The following GALNT13 variants were observed in gnomAD, a reference collection of about 807,000 sequenced individuals.
The protein encoded by GALNT13 is polypeptide N-acetylgalactosaminyltransferase 13.
A neutral mutation model predicts 64.2 loss-of-function variants in GALNT13; 28 were observed. The ratio of observed to expected loss-of-function variants is 0.44; its 90% CI spans 0.32 to 0.60. GALNT13 has a LOEUF of 0.60. GALNT13 is among the 20% of genes least tolerant of loss of function. The pLI is 0.05. For synonymous variants in GALNT13, 214 were observed against 224.6 expected (o/e 0.95, Z 0.42); for missense variants, 577 against 669.8 (o/e 0.86, Z 1.53).
At chr2:153,793,273 T>C in the GALNT13 span, among the ~76,000 whole-genome samples, 13 of 152,186 alleles carry the variant, frequency 8.5e-5, no homozygotes, top group East Asian at 2.5e-3. Flanking sequence ...CACCCGGCCC[T>C]GAGGTAACAT....
chr2:153,979,842 G>A (rs915911514), intron 3 of GALNT13, among the ~76,000 whole-genome samples: 5 of 152,156 alleles, frequency 3.3e-5, no homozygotes, highest in Admixed American at 1.3e-4. Context: ...TTTAAGCCTC[G>A]TCAAAAGTCT....
the GALNT13 span, among the ~76,000 whole-genome samples, chr2:153,393,947 TACACACAC>T: frequency 4.7e-5 from 6 of 128,268 alleles, no homozygotes; most frequent in Admixed American, 2.4e-4. Context: ...TCTCTCTGTC[TACACACAC>T]ACACACACAC....
chr2:153,212,509 G>A, the GALNT13 span, among the ~76,000 whole-genome samples: 2 of 152,126 alleles, frequency 1.3e-5, no homozygotes, highest in African/African-American at 2.4e-5. Flanking sequence ...AGAAATAGAG[G>A]ATGATTCATT....
intron 3 of GALNT13, among the ~76,000 whole-genome samples, chr2:154,076,418 A>G (rs996703648): frequency 1.3e-5 from 2 of 151,770 alleles, no homozygotes; most frequent in African/African-American, 2.4e-5. Context: ...GAACAAAGAC[A>G]TAATCCACAT....
chr2:153,121,634 C>T, the GALNT13 span, among the ~76,000 whole-genome samples: 1 of 152,148 alleles, frequency 6.6e-6, no homozygotes, highest in Non-Finnish European at 1.5e-5. Flanking sequence ...TGGGTTCACG[C>T]AAGTCTGCCT....
At chr2:154,208,279 G>A (rs1233307394) in intron 4 of GALNT13, among the ~76,000 whole-genome samples, 1 of 152,118 alleles carries the variant, frequency 6.6e-6, no homozygotes, top group African/African-American at 2.4e-5. Context: ...AACAGACCTA[G>A]TTCTTGTTTT....
chr2:154,335,198 A>G (rs1403892945), intron 9 of GALNT13, among the ~76,000 whole-genome samples: 2 of 151,350 alleles, frequency 1.3e-5, no homozygotes. Flanking sequence ...ATTAAAGAAG[A>G]TTTGGGGTAT....
intron 11 of GALNT13, among the ~76,000 whole-genome samples, chr2:154,410,403 T>C (rs1310305802): frequency 6.6e-6 from 1 of 151,936 alleles, no homozygotes; most frequent in African/African-American, 2.4e-5. Flanking sequence ...TTCCATTCTT[T>C]AGTGTTTAGA....
chr2:153,742,691 G>A, the GALNT13 span, among the ~76,000 whole-genome samples: 1 of 151,924 alleles, frequency 6.6e-6, no homozygotes, highest in East Asian at 1.9e-4. Context: ...CTGATTTTGA[G>A]TGATTTCACT....
chr2:154,233,037 C>CAAAA (rs375484057), intron 4 of GALNT13, among the ~76,000 whole-genome samples: 4 of 59,032 alleles, frequency 6.8e-5, no homozygotes, highest in Non-Finnish European at 1.4e-4. Context: ...GACCCTGTCT[C>CAAAA]AAAAAAAAAA....
At chr2:153,852,926 T>C in the GALNT13 span, among the ~76,000 whole-genome samples, 1 of 152,056 alleles carries the variant, frequency 6.6e-6, no homozygotes, top group African/African-American at 2.4e-5. Context: ...ACTCACAGGA[T>C]CACCAGGTAA....
At chr2:154,026,658 A>T (rs908951214) in intron 3 of GALNT13, among the ~76,000 whole-genome samples, 7 of 152,086 alleles carry the variant, frequency 4.6e-5, no homozygotes, top group African/African-American at 1.7e-4. Flanking sequence ...TTCTCTTCTT[A>T]TAAGGTAACA....
the GALNT13 span, among the ~76,000 whole-genome samples, chr2:153,754,750 C>G: frequency 1.3e-5 from 2 of 152,110 alleles, no homozygotes; most frequent in Non-Finnish European, 2.9e-5. Flanking sequence ...AACCCTAGGA[C>G]TCACCTAAAA....
chr2:153,823,905 T>A, the GALNT13 span, among the ~76,000 whole-genome samples: 1 of 152,032 alleles, frequency 6.6e-6, no homozygotes, highest in Non-Finnish European at 1.5e-5. Context: ...ATAAGAACCT[T>A]AAACAATTCA....
intron 3 of GALNT13, among the ~76,000 whole-genome samples, chr2:153,995,518 A>T (rs1695464305): frequency 6.6e-6 from 1 of 152,098 alleles, no homozygotes; most frequent in African/African-American, 2.4e-5. Context: ...TTTCTTTTTA[A>T]AAGTTTTTGT....
At chr2:153,676,880 A>G in the GALNT13 span, among the ~76,000 whole-genome samples, 1 of 152,144 alleles carries the variant, frequency 6.6e-6, no homozygotes, top group Non-Finnish European at 1.5e-5. Flanking sequence ...AACATAACTC[A>G]AAATAATGAA....
the GALNT13 span, among the ~76,000 whole-genome samples, chr2:153,380,612 G>A: frequency 6.6e-6 from 1 of 152,070 alleles, no homozygotes; most frequent in African/African-American, 2.4e-5. Context: ...CCTAGGGATA[G>A]CAAGGAACAA....
the GALNT13 span, among the ~76,000 whole-genome samples, chr2:153,102,684 C>A: frequency 6.6e-6 from 1 of 152,110 alleles, no homozygotes; most frequent in Non-Finnish European, 1.5e-5. Context: ...CTGAACCATT[C>A]CCCCGAAACA....
the GALNT13 span, chr2:153,592,891 A>G: frequency 6.6e-6 from 1 of 152,304 alleles, no homozygotes; most frequent in Non-Finnish European, 1.5e-5. Context: ...GAGCCGGGTG[A>G]AATACAGGGG....
Sources: gnomAD v4.1 joint callset for allele counts (sites outside exome capture counted in the v4.1 genomes callset) on GRCh38, gnomAD v4.1.1 for gene constraint, MANE v1.5 for transcripts, NCBI Gene and HGNC (gene_info 2026-07-23, HGNC 2026-07-21) for gene names.